Variants in SLAIN1 observed in about 807,000 individuals in gnomAD.
The protein encoded by SLAIN1 is SLAIN motif-containing protein 1.
SLAIN1 carries 17 observed loss-of-function variants against 55.4 expected under a neutral mutation model. That is an observed-to-expected ratio of 0.31 (90% CI 0.21 to 0.46). The LOEUF (loss-of-function observed/expected upper bound fraction) is 0.46, where lower values mean the gene tolerates loss of function less well. SLAIN1 is among the 20% of genes least tolerant of loss of function. The pLI, the probability that SLAIN1 is intolerant of heterozygous loss-of-function variation, is 1.00. For missense variants in SLAIN1, 682 were observed against 785.1 expected, an observed-to-expected ratio of 0.87 and a Z score of 1.57; for synonymous variants, 348 against 337.4, an observed-to-expected ratio of 1.03 and a Z score of -0.35.
At chr13:77,699,102 G>A (rs1001440038) in intron 1 of SLAIN1, 2 of 1,490,744 alleles carry the variant, frequency 1.3e-6, no homozygotes, top group Non-Finnish European at 1.8e-6. Flanking sequence ...GCCCTTTTGC[G>A]TTGCATTTTC....
rs1217920802 is a variant in SLAIN1, at chr13:77,698,851, C to A, written c.626+312C>A. 23 of 1,501,216 alleles carry A rather than the reference C, an allele frequency of 1.5e-5. No homozygotes were observed. The highest frequency in any genetic ancestry group is 2.0e-5 in the Non-Finnish European group (23 of 1,124,654). The allele number at this position is 1,501,216 out of a possible 1,614,324, so 93.0% of individuals were successfully genotyped here. A position where few individuals can be genotyped will look rare whatever the true frequency, so the allele number is the denominator to read the frequency against. ...CCAAGCTCCTCGTTAGCATTAAGTG[C>A]AAAATCCATGTCATCTTGTCTTTTT... On this transcript the variant is annotated intron_variant, in intron 1 of 6. Transcript: ENST00000418532. This position sits in a 1 kb window ranked among gnomAD's most constrained non-coding sequence, Gnocchi z 4.1.
At chr13:77,743,713 G>A (rs978617143) in intron 2 of SLAIN1, among the ~76,000 whole-genome samples, 6 of 151,362 alleles carry the variant, frequency 4.0e-5, no homozygotes, top group South Asian at 2.1e-4. Context: ...TAAGTCTCCC[G>A]TGACTACTCT....
chr13:77,704,164 A>G lies in SLAIN1; in HGVS notation c.626+5625A>G, dbSNP rs200759763. Among the ~76,000 whole-genome samples, 69 of 7,082 alleles carry G rather than the reference A, an allele frequency of 9.7e-3. 3 individuals carry two copies. The highest frequency in any genetic ancestry group is 0.061 in the South Asian group (5 of 82). 4.6% of individuals were successfully genotyped at this position (7,082 alleles called of 152,430 possible). ...GTATATATATACATAGAAAATATAT[A>G]TACATATGTTTTATATGTATATATA... On this transcript the variant is annotated intron_variant, in intron 1 of 6. Coordinates refer to ENST00000418532, the MANE Select transcript of SLAIN1 (RefSeq NM_001242868.2).
At chr13:77,740,327 T>A (rs1478502848) in intron 2 of SLAIN1, among the ~76,000 whole-genome samples, 1 of 151,968 alleles carries the variant, frequency 6.6e-6, no homozygotes, top group Non-Finnish European at 1.5e-5. Flanking sequence ...GTTAAGGAAG[T>A]TGCGGTAGAA....
At chr13:77,731,519 G>C (rs1231526432) in intron 2 of SLAIN1, among the ~76,000 whole-genome samples, 2 of 152,134 alleles carry the variant, frequency 1.3e-5, no homozygotes, top group Non-Finnish European at 1.5e-5. Flanking sequence ...ATGAGATCTA[G>C]AAAACAGTAG....
chr13:77,723,064 T>TC (rs2091277089), intron 2 of SLAIN1, among the ~76,000 whole-genome samples: 1 of 152,184 alleles, frequency 6.6e-6, no homozygotes, highest in South Asian at 2.1e-4. Flanking sequence ...ACATTTTTTT[T>TC]CAGAATTAAT....
At chr13:77,740,529 C>A (rs1231117737) in intron 2 of SLAIN1, among the ~76,000 whole-genome samples, 2 of 14,316 alleles carry the variant, frequency 1.4e-4, no homozygotes, top group Non-Finnish European at 3.2e-4. Flanking sequence ...TTGCGAACCG[C>A]CCCCCCCCCC....
At chr13:77,709,503 G>A (rs1291487430) in intron 1 of SLAIN1, among the ~76,000 whole-genome samples, 1 of 152,054 alleles carries the variant, frequency 6.6e-6, no homozygotes, top group Non-Finnish European at 1.5e-5. Context: ...GTTAAGAGCA[G>A]CCAAAGAGGA....
chr13:77,730,670 T>G (rs778487381), intron 2 of SLAIN1, among the ~76,000 whole-genome samples: 22 of 152,218 alleles, frequency 1.4e-4, no homozygotes, highest in Non-Finnish European at 2.2e-4. Flanking sequence ...AATTTTTTTC[T>G]ACTGTCATAG....
At position 77,698,442 on chromosome 13, in the gene SLAIN1, G is replaced by T. The variant is rs1405819358; in HGVS notation, c.529G>T (p.Ala177Ser). 3 of 1,433,334 alleles carry T rather than the reference G, an allele frequency of 2.1e-6. No individual in the cohort carries two copies. In the Admixed American group the frequency reaches 8.1e-5, roughly 39 times the overall value. The allele number at this position is 1,433,334 out of a possible 1,614,324, so 88.8% of individuals were successfully genotyped here. Residue 177 changes from alanine (A) to serine (S), a missense_variant, in exon 1 of 7, where the codon GCA (alanine) becomes TCA (serine). Transcript: ENST00000418532. This position sits in a 1 kb window ranked among gnomAD's most constrained non-coding sequence, Gnocchi z 4.1. ...GGAGTPPGAAAAPPSPPPTLL... is the reference protein window; with the variant it reads ...GGAGTPPGAASAPPSPPPTLL... ...CGCGGGGACGCCGCCAGGGGCAGCT[G>T]CAGCGCCGCCCTCGCCGCCCCCCAC...
At position 77,733,390 on chromosome 13, in the gene SLAIN1, T is replaced by C. The variant is rs188347311; in HGVS notation, c.767-10893T>C. 1.6e-4 allele frequency among the ~76,000 whole-genome samples: 24 copies of C among 152,306 alleles called. No individual in the cohort carries two copies. The East Asian group carries it at 4.6e-3, about 29-fold the overall frequency. On this transcript the variant is annotated intron_variant, in intron 2 of 6. Transcript: ENST00000418532. Reference sequence around the variant, plus strand: ...GTATATAAATCATGTTTTAAAAATATTACATTTTGAGTAAAATTGGAAGTT... The same window carrying C: ...GTATATAAATCATGTTTTAAAAATACTACATTTTGAGTAAAATTGGAAGTT...
At chr13:77,729,669 A>C (rs2154409967) in intron 2 of SLAIN1, among the ~76,000 whole-genome samples, 1 of 152,266 alleles carries the variant, frequency 6.6e-6, no homozygotes, top group East Asian at 1.9e-4. Context: ...AGTCAGTGCT[A>C]AATACAGGGT....
At chr13:77,712,444 A>G (rs1351674147) in intron 1 of SLAIN1, among the ~76,000 whole-genome samples, 1 of 152,236 alleles carries the variant, frequency 6.6e-6, no homozygotes, top group Non-Finnish European at 1.5e-5. Flanking sequence ...CCAAATCATG[A>G]GTGAACTCCC....
intron 1 of SLAIN1, among the ~76,000 whole-genome samples, chr13:77,710,262 C>A (rs150767449): frequency 1.2e-3 from 176 of 152,046 alleles, no homozygotes; most frequent in African/African-American, 4.1e-3. Context: ...ATAAATACCC[C>A]AATTAAAAGA....
chr13:77,742,461 G>T (rs1256176753), intron 2 of SLAIN1, among the ~76,000 whole-genome samples: 1 of 151,558 alleles, frequency 6.6e-6, no homozygotes, highest in Non-Finnish European at 1.5e-5. Flanking sequence ...CCTTGTTTTG[G>T]TCTCAAGGCC....
intron 4 of SLAIN1, among the ~76,000 whole-genome samples, chr13:77,747,059 C>T (rs1389627472): frequency 4.6e-5 from 7 of 151,746 alleles, no homozygotes; most frequent in Admixed American, 3.3e-4. Flanking sequence ...TCCAAGTAGC[C>T]GGGGTACAGG....
At position 77,746,852 on chromosome 13, in the gene SLAIN1, G is replaced by A. The variant is rs1566242564; in HGVS notation, c.1255G>A (p.Gly419Arg). Reference sequence around the variant, plus strand: ...AGATCAGCAACCAAATAGGACCAATGGAGGTAGGTTGTATGCTTTTTTGGT... The same window carrying A: ...AGATCAGCAACCAAATAGGACCAATAGAGGTAGGTTGTATGCTTTTTTGGT... The part of the protein sequence containing the change: ...TPDQQPNRTN[G>R]DKLRRSMPNL... Residue 419 changes from glycine (G) to arginine (R), a missense_variant, in exon 4 of 7, where the codon GGA becomes AGA. Around this residue, in one of 3 missense-constraint regions of SLAIN1, gnomAD observed 244 missense variants for 295.2 expected, o/e 0.83. Coordinates refer to ENST00000418532, the MANE Select transcript of SLAIN1 (RefSeq NM_001242868.2). 1 of 1,605,198 alleles carries A rather than the reference G, an allele frequency of 6.2e-7. No individual in the cohort carries two copies.
chr13:77,745,107 G>A (rs962690622), intron 3 of SLAIN1, among the ~76,000 whole-genome samples: 1 of 152,034 alleles, frequency 6.6e-6, no homozygotes, highest in Non-Finnish European at 1.5e-5. Context: ...GGGTCTCGAA[G>A]CTGGATGTAG....
rs1245649842 is a variant in SLAIN1 at position 77,719,513 on chromosome 13, G to A, written c.627-19G>A. On this transcript the variant is annotated intron_variant, in intron 1 of 6. Coordinates refer to ENST00000418532, the MANE Select transcript of SLAIN1 (RefSeq NM_001242868.2). ...TGTATACCTATATCATACCTATAAT[G>A]TAGATTTCTTTTTTTAAGGTTATAC... is the stretch of plus-strand genomic sequence containing the variant. 1.3e-6 allele frequency: 2 copies of A among 1,594,890 alleles called. No individual in the cohort carries two copies. Among genetic ancestry groups the A allele is most frequent in the African/African-American group, 1.3e-5 (1 of 74,544 alleles).
Sources: gnomAD v4.1 joint callset for allele counts (sites outside exome capture counted in the v4.1 genomes callset) on GRCh38, gnomAD v4.1.1 for gene constraint, gnomAD v4.1.1 regional missense constraint, Gnocchi (gnomAD v3.1) non-coding constraint, MANE v1.5 for transcripts, NCBI Gene and HGNC (gene_info 2026-07-23, HGNC 2026-07-21) for gene names.